The following PRPF8 variants were observed in gnomAD, a reference collection of about 807,000 sequenced individuals.
The protein encoded by PRPF8 is pre-mRNA-processing-splicing factor 8.
A neutral mutation model predicts 285.9 loss-of-function variants in PRPF8; 64 were observed. That is an observed-to-expected ratio of 0.22 (90% CI 0.18 to 0.28). PRPF8 has a LOEUF of 0.28. PRPF8 is among the 10% of genes least tolerant of loss of function. The pLI is 1.00. For missense variants in PRPF8, 1,426 were observed against 3,026.7 expected, an observed-to-expected ratio of 0.47 and a Z score of 12.41; for synonymous variants, 1,325 against 1,118.2, an observed-to-expected ratio of 1.18 and a Z score of -3.69.
Position 1,659,019 on chromosome 17 carries a change from T to TTTA in PRPF8, c.5139-259_5139-257dup, listed in dbSNP as rs991350840. ...GGAAAATACACGGATTATTTATTTA[T>TTTA]TTATTATTATTATTATTTTTCTTTG... On this transcript the variant is annotated intron_variant, in intron 32 of 42. Coordinates refer to ENST00000304992, the MANE Select transcript of PRPF8 (RefSeq NM_006445.4). The surrounding 1 kb of genome is among the most constrained non-coding windows in gnomAD (Gnocchi z 5.1). 10 of 513,974 alleles carry TTTA rather than the reference T, an allele frequency of 1.9e-5. No homozygotes were observed. The highest frequency in any genetic ancestry group is 3.9e-5 in the African/African-American group (2 of 51,904). 31.8% of individuals were successfully genotyped at this position (513,974 alleles called of 1,614,324 possible).
rs555248970 is a variant in PRPF8 at position 1,653,143 on chromosome 17, T to C, written c.6369+399A>G. ...TTAGTAGAGACAGGGTTTCACCATATTGGTCAGGCTGGTCTCAAACCCCTG... is the reference window on the plus strand; with the variant it reads ...TTAGTAGAGACAGGGTTTCACCATACTGGTCAGGCTGGTCTCAAACCCCTG... On this transcript the variant is annotated intron_variant, in intron 39 of 42. Transcript: ENST00000304992. This position sits in a 1 kb window ranked among gnomAD's most constrained non-coding sequence, Gnocchi z 4.9. 8.7e-6 allele frequency: 3 copies of C among 343,514 alleles called. No homozygotes were observed. The highest frequency in any genetic ancestry group is 7.7e-5 in the South Asian group (3 of 38,932). 21.3% of individuals were successfully genotyped at this position (343,514 alleles called of 1,614,324 possible).
At chr17:1,671,285 A>C (rs753687531) in intron 24 of PRPF8, among the ~76,000 whole-genome samples, 1 of 152,200 alleles carries the variant, frequency 6.6e-6, no homozygotes, top group African/African-American at 2.4e-5. Flanking sequence ...CATACAGGTT[A>C]ATCTAAAACC....
rs746183850 is a variant in PRPF8 at position 1,681,830 on chromosome 17, C to G, written c.643G>C (p.Asp215His). The change falls in exon 5 of 43, where the codon GAC becomes CAC. Residue 215 changes from aspartate (D) to histidine (H), a missense_variant. This residue lies in a region of PRPF8 where 157 missense variants were observed against 159.6 expected (regional missense o/e 0.98). Coordinates refer to ENST00000304992, the MANE Select transcript of PRPF8 (RefSeq NM_006445.4). ...DWFYDHQPLR[D>H]SRKYVNGSTY... Reference sequence around the variant, plus strand: ...CCATCTATCACTCACTTCCTGCTGTCCCTCAACGGCTGGTGGTCATAGAAC... The same window carrying G: ...CCATCTATCACTCACTTCCTGCTGTGCCTCAACGGCTGGTGGTCATAGAAC... The G allele has an allele frequency of 6.2e-7, 1 of 1,614,058 alleles. No individual in the cohort carries two copies. Among genetic ancestry groups the G allele is most frequent in the Non-Finnish European group, 8.5e-7 (1 of 1,180,010 alleles).
Position 1,681,021 on chromosome 17 carries a change from G to A in PRPF8, c.900C>T (p.Asn300=). The A allele has an allele frequency of 6.2e-7, 1 of 1,612,972 alleles. No homozygotes were observed. Among genetic ancestry groups the A allele is most frequent in the Non-Finnish European group, 8.5e-7 (1 of 1,179,128 alleles). Residue 300 remains asparagine, a synonymous_variant, in exon 7 of 43, where the codon AAC becomes AAT. Transcript: ENST00000304992. ...DEDWNEFNDI[N]KIIIRQPIRT... ...GGATAGGCTGCCGGATGATAATCTT[G>A]TTAATATCATTGAATTCATTCCAGT... is the stretch of plus-strand genomic sequence containing the variant.
intron 24 of PRPF8, among the ~76,000 whole-genome samples, chr17:1,665,802 C>T (rs1304696637): frequency 4.7e-5 from 7 of 149,046 alleles, no homozygotes; most frequent in African/African-American, 1.2e-4. Flanking sequence ...GCTGAGATCG[C>T]GCCACTGCAC....
intron 8 of PRPF8, among the ~76,000 whole-genome samples, chr17:1,680,135 C>G (rs1468682713): frequency 2.0e-5 from 3 of 152,116 alleles, no homozygotes; most frequent in Admixed American, 2.0e-4. Flanking sequence ...CACAGATGAG[C>G]ATCAAAAACA....
chr17:1,683,978 C>T (rs1913086210), intron 2 of PRPF8, among the ~76,000 whole-genome samples: 1 of 151,816 alleles, frequency 6.6e-6, no homozygotes, highest in African/African-American at 2.4e-5. Flanking sequence ...CCTCCGCCTC[C>T]TGGGTTCAAG....
Position 1,658,497 on chromosome 17 carries a change from C to CG in PRPF8, c.5376+28dup. ...TCTCCCACAGCCATGTACAGAGTCC[C>CG]GCACCTATACACTGCTGCTAACACT... On this transcript the variant is annotated intron_variant, in intron 33 of 42. Transcript: ENST00000304992. The surrounding 1 kb of genome is among the most constrained non-coding windows in gnomAD (Gnocchi z 4.1). 6.2e-7 allele frequency: 1 copy of CG among 1,611,094 alleles called. No homozygotes were observed. Among genetic ancestry groups the CG allele is most frequent in the South Asian group, 1.1e-5 (1 of 91,024 alleles).
chr17:1,671,469 G>A (rs145853133), intron 24 of PRPF8, among the ~76,000 whole-genome samples: 153 of 152,250 alleles, frequency 1.0e-3, no homozygotes, highest in African/African-American at 3.5e-3. Flanking sequence ...CTATAATCCA[G>A]CATTAGAGAG....
Position 1,658,843 on chromosome 17 carries a change from GGAA to G in PRPF8, c.5139-83_5139-81del, listed in dbSNP as rs1911529546. The stretch of plus-strand genomic sequence containing the variant: ...CAAGACAAGCTGCCAACTCTACAGA[GGAA>G]GAAAGACTGTTCGCCAGGCTGACAA... On this transcript the variant is annotated intron_variant, in intron 32 of 42. Transcript: ENST00000304992. The surrounding 1 kb of genome is among the most constrained non-coding windows in gnomAD (Gnocchi z 4.1). The G allele has an allele frequency of 7.9e-7, 1 of 1,265,120 alleles. No individual in the cohort carries two copies. Among genetic ancestry groups the G allele is most frequent in the Non-Finnish European group, 1.2e-6 (1 of 864,354 alleles). 78.4% of individuals were successfully genotyped at this position (1,265,120 alleles called of 1,614,324 possible).
chr17:1,655,587 G>T, intron 36 of PRPF8, 44 bp from the exon 37 acceptor site: 1 of 1,505,014 alleles, frequency 6.6e-7, no homozygotes. Flanking sequence ...GCTGCTTGAG[G>T]CTCTCCCACT....
chr17:1,657,452 T>G (rs1257915723), intron 34 of PRPF8, among the ~76,000 whole-genome samples: 2 of 152,042 alleles, frequency 1.3e-5, no homozygotes, highest in African/African-American at 4.8e-5. Context: ...GAGACCATCC[T>G]GGCCAACATG....
At chr17:1,683,852 T>C in intron 2 of PRPF8, 151 bp from the exon 3 acceptor site, 1 of 910,440 alleles carries the variant, frequency 1.1e-6, no homozygotes, top group Admixed American at 2.1e-5. Flanking sequence ...ACCATTTTAC[T>C]CTGTTTTTCC....
chr17:1,678,492 G>T (rs756483177), intron 13 of PRPF8, 26 bp downstream of exon 13: 1 of 1,613,966 alleles, frequency 6.2e-7, no homozygotes, highest in East Asian at 2.2e-5. Context: ...TCAAAAAAAA[G>T]AAAGTCAGTA....
intron 24 of PRPF8, among the ~76,000 whole-genome samples, chr17:1,666,018 T>A (rs1440938613): frequency 6.7e-6 from 1 of 150,232 alleles, no homozygotes; most frequent in South Asian, 2.1e-4. Context: ...AAAAAAAATA[T>A]TAGCCGGGTG....
Position 1,661,193 on chromosome 17 carries a change from CTGGGTGCCT to C in PRPF8, c.4339-40_4339-32del, listed in dbSNP as rs1911662621. Reference sequence around the variant, plus strand: ...TGGCAAGGCAGGCACGGTCAAGCTTCTGGGTGCCTATTGCCCCAAGTTTCGGGGATAGCC... The same window carrying C: ...TGGCAAGGCAGGCACGGTCAAGCTTCATTGCCCCAAGTTTCGGGGATAGCC... On this transcript the variant is annotated intron_variant, in intron 27 of 42. Transcript: ENST00000304992. This position sits in a 1 kb window ranked among gnomAD's most constrained non-coding sequence, Gnocchi z 7.3. 3.1e-6 allele frequency: 5 copies of C among 1,614,056 alleles called. No individual in the cohort carries two copies. Among genetic ancestry groups the C allele is most frequent in the Non-Finnish European group, 4.2e-6 (5 of 1,180,046 alleles).
chr17:1,680,196 CTA>C (rs879942333), intron 8 of PRPF8, among the ~76,000 whole-genome samples: 11 of 152,178 alleles, frequency 7.2e-5, no homozygotes, highest in Non-Finnish European at 1.5e-4. Context: ...GTGTACGATT[CTA>C]TTTCATTCTA....
intron 30 of PRPF8, 116 bp from the exon 31 acceptor site, chr17:1,660,117 T>G (rs1466369459): frequency 1.9e-5 from 25 of 1,285,126 alleles, no homozygotes; most frequent in Non-Finnish European, 2.8e-5. Context: ...CCAGGGTGGA[T>G]TTCCCATATG....
Position 1,659,045 on chromosome 17 carries a change from AG to A in PRPF8, c.5139-283del. 2.0e-6 allele frequency: 1 copy of A among 504,884 alleles called. No homozygotes were observed. Among genetic ancestry groups the A allele is most frequent in the Non-Finnish European group, 3.4e-6 (1 of 291,278 alleles). The allele number at this position is 504,884 out of a possible 1,614,324, so 31.3% of individuals were successfully genotyped here. On this transcript the variant is annotated intron_variant, in intron 32 of 42. Coordinates refer to ENST00000304992, the MANE Select transcript of PRPF8 (RefSeq NM_006445.4). This position sits in a 1 kb window ranked among gnomAD's most constrained non-coding sequence, Gnocchi z 5.1. ...TTATTATTATTATTATTTTTCTTTG[AG>A]ATGGAGTCTCACTCTGTCGCCCAGG...
Sources: gnomAD v4.1 joint callset for allele counts (sites outside exome capture counted in the v4.1 genomes callset) on GRCh38, gnomAD v4.1.1 for gene constraint, gnomAD v4.1.1 regional missense constraint, Gnocchi (gnomAD v3.1) non-coding constraint, MANE v1.5 for transcripts, NCBI Gene and HGNC (gene_info 2026-07-23, HGNC 2026-07-21) for gene names.